The following DENND1A variants were observed in gnomAD, a reference collection of about 807,000 sequenced individuals.
The protein encoded by DENND1A is DENN domain-containing protein 1A.
Under a neutral mutation model 113.7 loss-of-function variants are expected in DENND1A, and 51 were observed. The ratio of observed to expected loss-of-function variants is 0.45; its 90% CI spans 0.36 to 0.57. DENND1A has a LOEUF of 0.57. Ranked by LOEUF, DENND1A falls within the 20% of genes least tolerant of loss-of-function variation. The pLI is 0.00. For missense variants in DENND1A, 1,258 were observed against 1,395.9 expected (o/e 0.90, Z 1.57); for synonymous variants, 565 against 570.8 (o/e 0.99, Z 0.14).
intron 11 of DENND1A, among the ~76,000 whole-genome samples, chr9:123,588,838 G>C (rs1256676868): frequency 6.6e-6 from 1 of 151,314 alleles, no homozygotes; most frequent in Non-Finnish European, 1.5e-5. Context: ...CATGATCTTG[G>C]CTCACTGCAA....
intron 13 of DENND1A, among the ~76,000 whole-genome samples, chr9:123,507,059 C>T (rs981394015): frequency 1.3e-5 from 2 of 151,972 alleles, no homozygotes; most frequent in African/African-American, 2.4e-5. Context: ...CATGGTGGCA[C>T]GTGCCTGTAA....
Position 123,382,724 on chromosome 9 carries a change from C to T in DENND1A, c.2020-99G>A, listed in dbSNP as rs113183359. ...TTCTGTGTGCTGAATGTGTGCTGGGCCTAGTTGTGTGGCTGATCAGCTCCT... is the reference window on the plus strand; with the variant it reads ...TTCTGTGTGCTGAATGTGTGCTGGGTCTAGTTGTGTGGCTGATCAGCTCCT... On this transcript the variant is annotated intron_variant, in intron 23 of 23. Coordinates refer to ENST00000394215, the MANE Select transcript of DENND1A (RefSeq NM_001352964.2). 7.0e-6 allele frequency: 9 copies of T among 1,294,572 alleles called. 1 individual carries two copies. Among genetic ancestry groups the T allele is most frequent in the African/African-American group, 5.8e-5 (4 of 68,468 alleles). 80.2% of individuals were successfully genotyped at this position (1,294,572 alleles called of 1,614,324 possible).
intron 2 of DENND1A, among the ~76,000 whole-genome samples, chr9:123,876,164 C>T (rs182843510): frequency 6.6e-6 from 1 of 152,098 alleles, no homozygotes; most frequent in Non-Finnish European, 1.5e-5. Flanking sequence ...CAGACAGATA[C>T]AAATCCAGGA....
At chr9:123,807,421 G>A (rs1590169764) in intron 2 of DENND1A, among the ~76,000 whole-genome samples, 1 of 152,246 alleles carries the variant, frequency 6.6e-6, no homozygotes, top group Non-Finnish European at 1.5e-5. Flanking sequence ...TCGCTACTTT[G>A]GCAGCATAAT....
chr9:123,480,371 C>T (rs1415549734), intron 13 of DENND1A, among the ~76,000 whole-genome samples: 1 of 152,210 alleles, frequency 6.6e-6, no homozygotes, highest in Non-Finnish European at 1.5e-5. Flanking sequence ...TGCCAGCCCC[C>T]CAAGGCCCCT....
At chr9:123,690,651 T>C (rs2065132617) in intron 5 of DENND1A, among the ~76,000 whole-genome samples, 1 of 152,224 alleles carries the variant, frequency 6.6e-6, no homozygotes, top group Non-Finnish European at 1.5e-5. Flanking sequence ...TTTTATTAAC[T>C]GTTAACAAAA....
intron 5 of DENND1A, among the ~76,000 whole-genome samples, chr9:123,691,562 T>A (rs909746902): frequency 1.0e-5 from 1 of 100,268 alleles, no homozygotes; most frequent in African/African-American, 3.9e-5. Context: ...TTTTGGAGGG[T>A]GGGGATGGGT....
intron 2 of DENND1A, among the ~76,000 whole-genome samples, chr9:123,835,660 GAAAAAAAA>G (rs112937594): frequency 0.029 from 3,262 of 111,498 alleles, 59 homozygotes; most frequent in Middle Eastern, 0.052. Flanking sequence ...TGATTTCCAG[GAAAAAAAA>G]AAAAAAAAGA....
intron 5 of DENND1A, among the ~76,000 whole-genome samples, chr9:123,678,081 TTC>T (rs1179025659): frequency 1.3e-5 from 2 of 152,180 alleles, no homozygotes; most frequent in Non-Finnish European, 1.5e-5. Flanking sequence ...TGTGCCCTAA[TTC>T]TCTCTTTTCT....
At chr9:123,651,757 T>C (rs2062672094) in intron 9 of DENND1A, among the ~76,000 whole-genome samples, 2 of 152,158 alleles carry the variant, frequency 1.3e-5, no homozygotes, top group South Asian at 2.1e-4. Flanking sequence ...TTGAAGCTCA[T>C]GTAGAAACCT....
chr9:123,559,808 C>T (rs2057633984), intron 12 of DENND1A, among the ~76,000 whole-genome samples: 1 of 152,196 alleles, frequency 6.6e-6, no homozygotes, highest in African/African-American at 2.4e-5. Context: ...AAACCTCATA[C>T]TCATTAGCTG....
At chr9:123,779,872 C>CTTTTTTTTTTTTTTTTTTTTTTT (rs72419269) in intron 3 of DENND1A, among the ~76,000 whole-genome samples, 1 of 143,880 alleles carries the variant, frequency 7.0e-6, no homozygotes, top group Non-Finnish European at 1.5e-5. Flanking sequence ...TTGCATGAGA[C>CTTTTTTTTTTTTTTTTTTTTTTT]TTTTTTTTGA....
intron 1 of DENND1A, chr9:123,928,513 G>C (rs570528247): frequency 1.0e-6 from 1 of 967,404 alleles, no homozygotes; most frequent in South Asian, 4.8e-5. Context: ...CTCTTGTTTG[G>C]AGCATGCTTC....
At chr9:123,479,187 T>C (rs144792368) in intron 13 of DENND1A, among the ~76,000 whole-genome samples, 150 of 152,308 alleles carry the variant, frequency 9.8e-4, no homozygotes, top group African/African-American at 3.3e-3. Context: ...TGACAAGCAG[T>C]TGGGGCCAGG....
chr9:123,711,603 A>G (rs912239976), intron 5 of DENND1A, among the ~76,000 whole-genome samples: 1 of 142,582 alleles, frequency 7.0e-6, no homozygotes, highest in African/African-American at 2.5e-5. Flanking sequence ...CTGCAAACCT[A>G]AAGCATAACT....
At chr9:123,872,482 G>C (rs963569418) in intron 2 of DENND1A, among the ~76,000 whole-genome samples, 11 of 151,968 alleles carry the variant, frequency 7.2e-5, no homozygotes. Flanking sequence ...ATAGCTGAGA[G>C]TTCAGAAAAA....
At position 123,380,083 on chromosome 9, in the gene DENND1A, G is replaced by A. The variant is rs1409536789; in HGVS notation, c.*1349C>T. The A allele has an allele frequency of 6.6e-6, 1 of 152,262 alleles. No homozygotes were observed. The highest frequency in any genetic ancestry group is 1.5e-5 in the Non-Finnish European group (1 of 68,050). 9.4% of individuals were successfully genotyped at this position (152,262 alleles called of 1,614,324 possible). ...CTCTCAGACATAGAGGGGGCTCCCT[G>A]GGTGACATCTCCAGAGACCCCCTTG... On this transcript the variant is annotated 3_prime_UTR_variant, in exon 24 of 24. Transcript: ENST00000394215.
intron 1 of DENND1A, among the ~76,000 whole-genome samples, chr9:123,901,254 G>A (rs1851574149): frequency 6.6e-6 from 1 of 152,178 alleles, no homozygotes; most frequent in Admixed American, 6.5e-5. Context: ...ATTAAGGTAG[G>A]AGAAGATGGT....
intron 10 of DENND1A, among the ~76,000 whole-genome samples, chr9:123,614,610 G>C (rs977171068): frequency 2.0e-4 from 31 of 151,806 alleles, no homozygotes; most frequent in African/African-American, 7.5e-4. Context: ...AAAAAATACA[G>C]CTTCCCAAGA....
Sources: gnomAD v4.1 joint callset for allele counts (sites outside exome capture counted in the v4.1 genomes callset) on GRCh38, gnomAD v4.1.1 for gene constraint, MANE v1.5 for transcripts, NCBI Gene and HGNC (gene_info 2026-07-23, HGNC 2026-07-21) for gene names.